The following STK32B variants were observed in gnomAD, a reference collection of about 807,000 sequenced individuals.
STK32B encodes serine/threonine kinase 32B, also known as serine/threonine-protein kinase 32B.
In STK32B, 43 loss-of-function variants were observed where a neutral mutation model predicts 52.6. The observed-to-expected ratio is 0.82, with a 90% CI of 0.64 to 1.05. The LOEUF (loss-of-function observed/expected upper bound fraction) is 1.05. Ranked by LOEUF, STK32B falls within the 50% of genes least tolerant of loss-of-function variation. The pLI, the probability that STK32B is intolerant of heterozygous loss-of-function variation, is 0.00. For missense variants in STK32B, 621 were observed against 534.6 expected, an observed-to-expected ratio of 1.16 and a Z score of -1.59; for synonymous variants, 238 against 204.3, an observed-to-expected ratio of 1.17 and a Z score of -1.41.
chr4:5,106,664 C>A (rs1265333558), intron 1 of STK32B, among the ~76,000 whole-genome samples: 1 of 152,142 alleles, frequency 6.6e-6, no homozygotes, highest in Non-Finnish European at 1.5e-5. Flanking sequence ...AAGATAGGTC[C>A]ATCCATTCTG....
chr4:5,264,314 T>A (rs1483603388), intron 3 of STK32B, among the ~76,000 whole-genome samples: 1 of 152,198 alleles, frequency 6.6e-6, no homozygotes, highest in Non-Finnish European at 1.5e-5. Context: ...GTTGTTAGTT[T>A]TCTTAATTAT....
rs116196574 is a variant in STK32B, at chr4:5,280,553, A to T, written c.261-50667A>T. 4.2e-3 allele frequency among the ~76,000 whole-genome samples: 642 copies of T among 151,992 alleles called. 3 individuals are homozygous for T. Among genetic ancestry groups the T allele is most frequent in the Non-Finnish European group, 7.4e-3 (505 of 67,966 alleles). On this transcript the variant is annotated intron_variant, in intron 3 of 11. Transcript: ENST00000282908. ...CAGGTATCTTTATAGAAATGCCCCC[A>T]CCTTTTTGGTACCAATTTTCTGTAT... is the stretch of plus-strand genomic sequence containing the variant.
At chr4:5,215,784 GGAA>G (rs1273021901) in intron 3 of STK32B, among the ~76,000 whole-genome samples, 1 of 152,166 alleles carries the variant, frequency 6.6e-6, no homozygotes, top group East Asian at 1.9e-4. Context: ...GAGATGGATG[GGAA>G]CTTAGACACA....
chr4:5,487,338 C>A (rs182628265), intron 11 of STK32B, among the ~76,000 whole-genome samples: 2 of 152,262 alleles, frequency 1.3e-5, no homozygotes, highest in Admixed American at 1.3e-4. Context: ...TTAACATTAT[C>A]CTGTTAGGAG....
chr4:5,467,828 C>G lies in STK32B; in HGVS notation c.1042-178C>G, dbSNP rs1717561434. 6.6e-6 allele frequency among the ~76,000 whole-genome samples: 1 copy of G among 152,190 alleles called. No individual in the cohort carries two copies. The highest frequency in any genetic ancestry group is 2.1e-4 in the South Asian group (1 of 4,828). On this transcript the variant is annotated intron_variant, in intron 10 of 11. Coordinates refer to ENST00000282908, the MANE Select transcript of STK32B (RefSeq NM_018401.3). This position sits in a 1 kb window ranked among gnomAD's most constrained non-coding sequence, Gnocchi z 5.8. ...AAAAGCATCTTTGTCCACCAGGCTA[C>G]CTTTGGACACAGCCACCCATGCAGT...
intron 2 of STK32B, among the ~76,000 whole-genome samples, chr4:5,166,103 C>T (rs940305029): frequency 3.3e-5 from 5 of 149,700 alleles, no homozygotes; most frequent in South Asian, 2.2e-4. Flanking sequence ...AGATTTGCAA[C>T]GTGTCAGAGC....
chr4:5,357,935 C>T (rs545962439), intron 4 of STK32B, among the ~76,000 whole-genome samples: 1 of 152,044 alleles, frequency 6.6e-6, no homozygotes, highest in Non-Finnish European at 1.5e-5. Context: ...GGGGTCATAT[C>T]AACTAGAAAG....
chr4:5,233,298 C>T (rs1724402801), intron 3 of STK32B, among the ~76,000 whole-genome samples: 2 of 152,104 alleles, frequency 1.3e-5, no homozygotes, highest in African/African-American at 2.4e-5. Context: ...TAGAGGATGT[C>T]ATTTACCAAT....
At chr4:5,177,442 C>T (rs186666851) in intron 3 of STK32B, among the ~76,000 whole-genome samples, 49 of 152,216 alleles carry the variant, frequency 3.2e-4, no homozygotes, top group African/African-American at 1.0e-3. Flanking sequence ...GTTCACGATG[C>T]GACTTGAGTG....
chr4:5,250,144 A>G (rs1328060921), intron 3 of STK32B, among the ~76,000 whole-genome samples: 2 of 151,946 alleles, frequency 1.3e-5, no homozygotes, highest in African/African-American at 4.8e-5. Context: ...TATTTTCTTT[A>G]TCCAGTCTGC....
chr4:5,184,695 A>AAAAAAAAAAAAAAG (rs58321341), intron 3 of STK32B, among the ~76,000 whole-genome samples: 16 of 137,590 alleles, frequency 1.2e-4, no homozygotes, highest in East Asian at 2.2e-4. Flanking sequence ...AAAAAAAAAA[A>AAAAAAAAAAAAAAG]AAGAAGAAGA....
At chr4:5,077,033 T>A (rs1712121109) in intron 1 of STK32B, among the ~76,000 whole-genome samples, 1 of 152,160 alleles carries the variant, frequency 6.6e-6, no homozygotes, top group African/African-American at 2.4e-5. Flanking sequence ...GGACAGACGA[T>A]GCTTTTATGT....
chr4:5,179,841 TG>T (rs1265606908), intron 3 of STK32B, among the ~76,000 whole-genome samples: 1 of 152,228 alleles, frequency 6.6e-6, no homozygotes, highest in Non-Finnish European at 1.5e-5. Context: ...TGCTTTCCCC[TG>T]TGTTAGCTTT....
intron 4 of STK32B, among the ~76,000 whole-genome samples, chr4:5,367,482 T>TG (rs902885026): frequency 6.6e-6 from 1 of 151,298 alleles, no homozygotes; most frequent in African/African-American, 2.4e-5. Flanking sequence ...TAGTGGAGGC[T>TG]GGGGGGTCGC....
chr4:5,248,933 G>T (rs374296499), intron 3 of STK32B, among the ~76,000 whole-genome samples: 6 of 150,032 alleles, frequency 4.0e-5, no homozygotes, highest in East Asian at 3.9e-4. Flanking sequence ...TGTGGGGTGG[G>T]GGGAGAGGGG....
chr4:5,484,717 T>C (rs1301126415), intron 11 of STK32B, among the ~76,000 whole-genome samples: 2 of 152,296 alleles, frequency 1.3e-5, no homozygotes, highest in South Asian at 2.1e-4. Flanking sequence ...GTTTTTGCAG[T>C]GGCTGGTACC....
intron 3 of STK32B, among the ~76,000 whole-genome samples, chr4:5,234,042 G>C (rs1194063290): frequency 6.6e-6 from 1 of 152,012 alleles, no homozygotes; most frequent in Non-Finnish European, 1.5e-5. Context: ...AGCTAAGTCT[G>C]ACCTGACTTA....
intron 4 of STK32B, among the ~76,000 whole-genome samples, chr4:5,368,436 C>T (rs1383543002): frequency 6.6e-6 from 1 of 151,304 alleles, no homozygotes; most frequent in Non-Finnish European, 1.5e-5. Context: ...CACACAACGT[C>T]ATGAGTTAGG....
intron 3 of STK32B, among the ~76,000 whole-genome samples, chr4:5,176,630 G>C (rs1180196835): frequency 1.3e-5 from 2 of 151,944 alleles, no homozygotes; most frequent in African/African-American, 4.8e-5. Flanking sequence ...TCTTAGTAAA[G>C]ACAGGATTTC....
Sources: allele counts gnomAD v4.1 joint callset (sites outside exome capture counted in the v4.1 genomes callset), GRCh38; gene constraint gnomAD v4.1.1; non-coding constraint Gnocchi (gnomAD v3.1); transcripts MANE v1.5; gene names NCBI Gene and HGNC (gene_info 2026-07-23, HGNC 2026-07-21).